FRMD3: variants seen among roughly 807,000 people sequenced by gnomAD.
FRMD3 encodes the protein FERM domain containing 3.
FRMD3 carries 33 observed loss-of-function variants against 70.2 expected under a neutral mutation model. The ratio of observed to expected loss-of-function variants is 0.47; its 90% CI spans 0.36 to 0.63. FRMD3 has a LOEUF of 0.63. Among genes scored for constraint, FRMD3 ranks in the 20% least tolerant of loss-of-function variants. The pLI is 0.00. For synonymous variants in FRMD3, 279 were observed against 255.9 expected, an observed-to-expected ratio of 1.09 and a Z score of -0.86; for missense variants, 632 against 711.4, an observed-to-expected ratio of 0.89 and a Z score of 1.27.
chr9:83,583,738 AGCT>A, the FRMD3 span, among the ~76,000 whole-genome samples: 1 of 152,058 alleles, frequency 6.6e-6, no homozygotes, highest in South Asian at 2.1e-4. Flanking sequence ...CCTCCCAAGT[AGCT>A]GGGACTACAG....
chr9:83,574,993 G>A, the FRMD3 span, among the ~76,000 whole-genome samples: 6 of 152,062 alleles, frequency 3.9e-5, no homozygotes, highest in African/African-American at 1.2e-4. Context: ...TTGATCTCTC[G>A]TTCTGTGTCT....
intron 10 of FRMD3, among the ~76,000 whole-genome samples, chr9:83,308,929 T>C (rs1183428726): frequency 6.6e-6 from 1 of 152,072 alleles, no homozygotes. Flanking sequence ...AAAGCAGGCT[T>C]CAACCAAAAT....
chr9:83,407,524 A>C (rs1439588357), intron 1 of FRMD3, among the ~76,000 whole-genome samples: 1 of 152,220 alleles, frequency 6.6e-6, no homozygotes, highest in Non-Finnish European at 1.5e-5. Context: ...CTTGGAGGCT[A>C]TATGTAGCAG....
chr9:83,555,531 T>C, the FRMD3 span, among the ~76,000 whole-genome samples: 1 of 152,106 alleles, frequency 6.6e-6, no homozygotes, highest in Admixed American at 6.6e-5. Context: ...CCCCTCCCCC[T>C]AGGAGATCCT....
chr9:83,471,951 T>C (rs1259952001), intron 1 of FRMD3, among the ~76,000 whole-genome samples: 1 of 152,162 alleles, frequency 6.6e-6, no homozygotes. Flanking sequence ...CTTGTATCCT[T>C]AAATCCACCT....
chr9:83,549,445 T>C, the FRMD3 span, among the ~76,000 whole-genome samples: 3 of 152,208 alleles, frequency 2.0e-5, no homozygotes, highest in Non-Finnish European at 4.4e-5. Flanking sequence ...GGTAGAATGC[T>C]TTATATTCCT....
At chr9:83,546,706 A>C in the FRMD3 span, among the ~76,000 whole-genome samples, 1 of 152,088 alleles carries the variant, frequency 6.6e-6, no homozygotes, top group Non-Finnish European at 1.5e-5. Flanking sequence ...ACTCCTGGCC[A>C]ACATGGTGGA....
intron 13 of FRMD3, among the ~76,000 whole-genome samples, chr9:83,270,600 A>C (rs1007612369): frequency 6.6e-5 from 10 of 152,242 alleles, no homozygotes; most frequent in African/African-American, 2.2e-4. Flanking sequence ...AGAAGGCAAG[A>C]TTTAAAGCAC....
chr9:83,244,665 T>C lies in FRMD3; in HGVS notation c.*3253A>G. On this transcript the variant is annotated 3_prime_UTR_variant, in exon 14 of 14. Coordinates refer to ENST00000304195, the MANE Select transcript of FRMD3 (RefSeq NM_174938.6). Reference sequence around the variant, plus strand: ...TTATTAGGGATTCCTGCCACCATATTAACATATAAAACAATCTGGATGTTG... The same window carrying C: ...TTATTAGGGATTCCTGCCACCATATCAACATATAAAACAATCTGGATGTTG... 1 of 985,172 alleles carries C rather than the reference T, an allele frequency of 1.0e-6. No homozygotes were observed. The highest frequency in any genetic ancestry group is 4.7e-5 in the South Asian group (1 of 21,284). The allele number at this position is 985,172 out of a possible 1,614,324, so 61.0% of individuals were successfully genotyped here.
At chr9:83,511,699 GT>G (rs1226935609) in intron 1 of FRMD3, among the ~76,000 whole-genome samples, 1 of 152,136 alleles carries the variant, frequency 6.6e-6, no homozygotes, top group Non-Finnish European at 1.5e-5. Context: ...ACAGTTTTCA[GT>G]TAGAATTCAA....
At chr9:83,557,475 T>C in the FRMD3 span, among the ~76,000 whole-genome samples, 1 of 152,236 alleles carries the variant, frequency 6.6e-6, no homozygotes, top group Admixed American at 6.5e-5. Flanking sequence ...ACAGCCTAAT[T>C]GGGACCACTG....
intron 13 of FRMD3, among the ~76,000 whole-genome samples, 197 bp from the exon 14 acceptor site, chr9:83,248,713 T>C (rs886422561): frequency 6.6e-6 from 1 of 152,202 alleles, no homozygotes; most frequent in Non-Finnish European, 1.5e-5. Context: ...CATGCTAAAC[T>C]CAAACTAACC....
the FRMD3 span, among the ~76,000 whole-genome samples, chr9:83,547,249 AATT>A: frequency 6.5e-3 from 971 of 148,774 alleles, 10 homozygotes; most frequent in African/African-American, 0.02. Context: ...ATGATCATAT[AATT>A]ATTATTATAT....
chr9:83,501,683 T>C (rs1308175447), intron 1 of FRMD3, among the ~76,000 whole-genome samples: 1 of 152,234 alleles, frequency 6.6e-6, no homozygotes. Flanking sequence ...AACCTGTATT[T>C]GCTGCCTCTA....
chr9:83,380,190 G>T (rs772996214), intron 2 of FRMD3, among the ~76,000 whole-genome samples: 1 of 152,194 alleles, frequency 6.6e-6, no homozygotes, highest in Non-Finnish European at 1.5e-5. Context: ...CCCTGTGAAA[G>T]ATCCCAGTTT....
chr9:83,318,613 T>C (rs890725575), intron 6 of FRMD3, among the ~76,000 whole-genome samples: 6 of 152,168 alleles, frequency 3.9e-5, no homozygotes, highest in African/African-American at 1.4e-4. Context: ...CCGGTATCTC[T>C]TTGATATGAT....
intron 1 of FRMD3, among the ~76,000 whole-genome samples, chr9:83,418,947 A>G (rs546156693): frequency 6.6e-6 from 1 of 152,180 alleles, no homozygotes; most frequent in Non-Finnish European, 1.5e-5. Context: ...ATGGAATTCT[A>G]CTCAGCCATT....
rs193031308 is a variant in FRMD3 at position 83,352,558 on chromosome 9, G to A, written c.296-2801C>T. On this transcript the variant is annotated intron_variant, in intron 3 of 13. Transcript: ENST00000304195. ...AGTTCTCCTCACTTCAAGCTCTGAGGCTCCAGGAAGGTCTAGTGCTTCTCC... is the reference window on the plus strand; with the variant it reads ...AGTTCTCCTCACTTCAAGCTCTGAGACTCCAGGAAGGTCTAGTGCTTCTCC... Among the ~76,000 whole-genome samples, 12 of 152,278 alleles carry A rather than the reference G, an allele frequency of 7.9e-5. No individual in the cohort carries two copies. The East Asian group carries it at 2.3e-3, about 29-fold the overall frequency.
chr9:83,456,446 G>A (rs1266994736), intron 1 of FRMD3, among the ~76,000 whole-genome samples: 1 of 152,176 alleles, frequency 6.6e-6, no homozygotes, highest in Non-Finnish European at 1.5e-5. Context: ...CAGAGAGAGA[G>A]AGGTAGATAG....
Sources: allele counts gnomAD v4.1 joint callset (sites outside exome capture counted in the v4.1 genomes callset), GRCh38; gene constraint gnomAD v4.1.1; transcripts MANE v1.5; gene names NCBI Gene and HGNC (gene_info 2026-07-23, HGNC 2026-07-21).